Variants in ZCCHC17 observed in about 807,000 individuals in gnomAD.
The protein encoded by ZCCHC17 is zinc finger CCHC domain-containing protein 17.
A neutral mutation model predicts 30.6 loss-of-function variants in ZCCHC17; 18 were observed. The observed-to-expected ratio is 0.59, with a 90% CI of 0.41 to 0.87. The LOEUF (loss-of-function observed/expected upper bound fraction) is 0.87. Among genes scored for constraint, ZCCHC17 ranks in the 40% least tolerant of loss-of-function variants. ZCCHC17 has a pLI of 0.00. For synonymous variants in ZCCHC17, 88 were observed against 92.4 expected (o/e 0.95, Z 0.27); for missense variants, 263 against 284.2 (o/e 0.93, Z 0.54).
chr1:31,346,815 C>A, intron 6 of ZCCHC17, 75 bp downstream of exon 6: 1 of 1,594,630 alleles, frequency 6.3e-7, no homozygotes. Context: ...GGAGGCAGCC[C>A]AGTGTGAGTT....
rs1569941459 is a variant in ZCCHC17, at chr1:31,359,594, T to A, written c.565-4438T>A. On this transcript the variant is annotated intron_variant, in intron 7 of 7. Transcript: ENST00000344147. ...AATGTTCACTGCTATATTCTCTTTT[T>A]TCAGTTTTTGCTTTTATTTTTGTTT... Among the ~76,000 whole-genome samples the A allele has an allele frequency of 2.0e-5, 3 of 152,300 alleles. No individual in the cohort carries two copies. In the South Asian group the frequency reaches 6.2e-4, roughly 32 times the overall value.
At chr1:31,322,438 T>TA (rs1646882868) in intron 3 of ZCCHC17, among the ~76,000 whole-genome samples, 1 of 152,224 alleles carries the variant, frequency 6.6e-6, no homozygotes, top group Non-Finnish European at 1.5e-5. Context: ...ATGCTATAGT[T>TA]ACTATTAGTT....
At position 31,346,746 on chromosome 1, in the gene ZCCHC17, G is replaced by T. The variant is rs768344287; in HGVS notation, c.418+6G>T. On this transcript the variant is annotated splice_donor_region_variant and intron_variant, in intron 6 of 7. Coordinates refer to ENST00000344147, the MANE Select transcript of ZCCHC17 (RefSeq NM_016505.4). ...CAAGAAGTGTGGCTGTAAAGGTAGG[G>T]TGAAGCCTCTGCCCTTTCCACGTTT... The T allele has an allele frequency of 6.2e-7, 1 of 1,614,018 alleles. No homozygotes were observed. Among genetic ancestry groups the T allele is most frequent in the African/African-American group, 1.3e-5 (1 of 74,904 alleles).
rs537071002 is a variant in ZCCHC17 at position 31,351,299 on chromosome 1, C to T, written c.564+2325C>T. Among the ~76,000 whole-genome samples, 12 of 152,342 alleles carry T rather than the reference C, an allele frequency of 7.9e-5. No homozygotes were observed. The East Asian group carries it at 2.1e-3, about 27-fold the overall frequency. On this transcript the variant is annotated intron_variant, in intron 7 of 7. Transcript: ENST00000344147. ...ATATCTCAAAATTGTTTATCCCATT[C>T]CCATTCCCACTGCTACTGTACAGTT...
chr1:31,338,996 G>T lies in ZCCHC17; in HGVS notation c.265G>T (p.Val89Phe), dbSNP rs144515936. The change falls in exon 5 of 8, where the codon GTT becomes TTT. Residue 89 changes from valine (V) to phenylalanine (F), a missense_variant. Coordinates refer to ENST00000344147, the MANE Select transcript of ZCCHC17 (RefSeq NM_016505.4). ...AATAAAAGTATCCCTCTCCATGAAGGTTGTCAATCAAGGGACTGGGAAAGA... is the reference window on the plus strand; with the variant it reads ...AATAAAAGTATCCCTCTCCATGAAGTTTGTCAATCAAGGGACTGGGAAAGA... The part of the protein sequence containing the change: ...DRIKVSLSMK[V>F]VNQGTGKDLD... 3.8e-5 allele frequency: 61 copies of T among 1,612,594 alleles called. No homozygotes were observed. The highest frequency in any genetic ancestry group is 8.9e-5 in the East Asian group (4 of 44,846).
intron 7 of ZCCHC17, among the ~76,000 whole-genome samples, chr1:31,352,300 A>G (rs1346691301): frequency 2.6e-5 from 4 of 152,200 alleles, no homozygotes; most frequent in East Asian, 1.9e-4. Flanking sequence ...TCATTAAACA[A>G]TAACGCCCCC....
intron 7 of ZCCHC17, among the ~76,000 whole-genome samples, chr1:31,357,759 CTT>C (rs34448655): frequency 7.0e-6 from 1 of 143,774 alleles, no homozygotes. Flanking sequence ...CCAGGCCTTT[CTT>C]TTTTTTTTTT....
At chr1:31,352,702 C>T (rs1044722287) in intron 7 of ZCCHC17, among the ~76,000 whole-genome samples, 5 of 152,154 alleles carry the variant, frequency 3.3e-5, no homozygotes, top group African/African-American at 1.2e-4. Context: ...CCACCTTGGC[C>T]TCCTAAAGTG....
At chr1:31,314,009 G>A (rs1646669720) in intron 2 of ZCCHC17, among the ~76,000 whole-genome samples, 1 of 152,016 alleles carries the variant, frequency 6.6e-6, no homozygotes, top group Non-Finnish European at 1.5e-5. Context: ...GACTACAGGC[G>A]TCAGCCACCA....
chr1:31,303,191 A>C (rs1317044875), intron 1 of ZCCHC17, among the ~76,000 whole-genome samples: 1 of 151,810 alleles, frequency 6.6e-6, no homozygotes, highest in Non-Finnish European at 1.5e-5. Flanking sequence ...CTGAGGCGGG[A>C]GGATAGCTTG....
intron 2 of ZCCHC17, among the ~76,000 whole-genome samples, chr1:31,312,121 G>A (rs1221690716): frequency 6.6e-6 from 1 of 152,092 alleles, no homozygotes; most frequent in Non-Finnish European, 1.5e-5. Context: ...AATTTCTACG[G>A]TATTTTGTTA....
chr1:31,316,263 A>G (rs978543611), intron 2 of ZCCHC17, among the ~76,000 whole-genome samples: 2 of 152,088 alleles, frequency 1.3e-5, no homozygotes, highest in Non-Finnish European at 2.9e-5. Context: ...CGCCATGCCC[A>G]GCTAAATTTT....
At chr1:31,340,267 T>C (rs1638991200) in intron 5 of ZCCHC17, among the ~76,000 whole-genome samples, 1 of 150,418 alleles carries the variant, frequency 6.6e-6, no homozygotes, top group Non-Finnish European at 1.5e-5. Context: ...AAATTTCTCA[T>C]CGGAGGTTCT....
intron 5 of ZCCHC17, among the ~76,000 whole-genome samples, chr1:31,343,389 A>G (rs1639118263): frequency 6.6e-6 from 1 of 152,194 alleles, no homozygotes; most frequent in South Asian, 2.1e-4. Flanking sequence ...GCCTTTGGAC[A>G]GAGAGGCTTC....
chr1:31,352,614 C>G (rs1207993716), intron 7 of ZCCHC17, among the ~76,000 whole-genome samples: 1 of 152,058 alleles, frequency 6.6e-6, no homozygotes, highest in Non-Finnish European at 1.5e-5. Context: ...CCACACCCAG[C>G]TAATTTAGTT....
chr1:31,334,220 G>A, intron 3 of ZCCHC17, among the ~76,000 whole-genome samples: 1 of 152,082 alleles, frequency 6.6e-6, no homozygotes, highest in East Asian at 1.9e-4. Flanking sequence ...ATGATGGATA[G>A]AGAAAGTAGT....
At chr1:31,306,924 G>A (rs1476332010) in intron 1 of ZCCHC17, among the ~76,000 whole-genome samples, 1 of 151,862 alleles carries the variant, frequency 6.6e-6, no homozygotes, top group Non-Finnish European at 1.5e-5. Flanking sequence ...TGCAGTCTCC[G>A]CCTCCCGGGT....
At chr1:31,363,272 C>T (rs1639993840) in intron 7 of ZCCHC17, among the ~76,000 whole-genome samples, 1 of 151,864 alleles carries the variant, frequency 6.6e-6, no homozygotes, top group Non-Finnish European at 1.5e-5. Flanking sequence ...CAAGCTCCGC[C>T]TCCTGGGTTC....
chr1:31,300,663 C>T (rs1646288922), intron 1 of ZCCHC17, among the ~76,000 whole-genome samples: 1 of 151,880 alleles, frequency 6.6e-6, no homozygotes, highest in South Asian at 2.1e-4. Context: ...AGGCCGGGTG[C>T]TGTGGCTCAC....
Sources: gnomAD v4.1 joint callset for allele counts (sites outside exome capture counted in the v4.1 genomes callset) on GRCh38, gnomAD v4.1.1 for gene constraint, MANE v1.5 for transcripts, NCBI Gene and HGNC (gene_info 2026-07-23, HGNC 2026-07-21) for gene names.